C16orf87: variants seen among roughly 807,000 people sequenced by gnomAD.
C16orf87 encodes the protein UPF0547 protein C16orf87.
C16orf87 carries 13 observed loss-of-function variants against 21.0 expected under a neutral mutation model. The ratio of observed to expected loss-of-function variants is 0.62; its 90% CI spans 0.40 to 0.98. The LOEUF (loss-of-function observed/expected upper bound fraction) is 0.98. Ranked by LOEUF, C16orf87 falls within the 50% of genes least tolerant of loss-of-function variation. The pLI is 0.00. For synonymous variants in C16orf87, 49 were observed against 60.2 expected (o/e 0.81, Z 0.86); for missense variants, 113 against 180.4 (o/e 0.63, Z 2.14).
At chr16:46,827,020 G>C (rs1233652169) in intron 1 of C16orf87, among the ~76,000 whole-genome samples, 1 of 152,170 alleles carries the variant, frequency 6.6e-6, no homozygotes, top group Non-Finnish European at 1.5e-5. Flanking sequence ...TAGATGAGAA[G>C]TATACATTTG....
intron 2 of C16orf87, among the ~76,000 whole-genome samples, chr16:46,812,943 C>A (rs1344813305): frequency 6.6e-6 from 1 of 152,266 alleles, no homozygotes; most frequent in Non-Finnish European, 1.5e-5. Flanking sequence ...TTCTCAGGCT[C>A]CCCCAGTTTC....
intron 2 of C16orf87, among the ~76,000 whole-genome samples, chr16:46,815,612 T>C (rs549984549): frequency 2.6e-5 from 4 of 152,184 alleles, no homozygotes; most frequent in African/African-American, 9.6e-5. Context: ...CCAAAGAAGA[T>C]ATATAAATGG....
intron 1 of C16orf87, 122 bp downstream of exon 1, chr16:46,830,962 C>T: frequency 1.7e-6 from 1 of 599,422 alleles, no homozygotes; most frequent in Non-Finnish European, 2.6e-6. Context: ...TCCCCGCCGC[C>T]GCCGGCGGGC....
At chr16:46,825,340 A>T (rs1285394275) in intron 1 of C16orf87, among the ~76,000 whole-genome samples, 1 of 152,226 alleles carries the variant, frequency 6.6e-6, no homozygotes, top group Non-Finnish European at 1.5e-5. Context: ...AGTGGGAAGA[A>T]GTGAAAATAA....
In C16orf87 at chr16:46,800,386, T is replaced by C. The variant is rs143234294; in HGVS notation, c.*2566A>G. On this transcript the variant is annotated 3_prime_UTR_variant, in exon 4 of 4. Coordinates refer to ENST00000285697, the MANE Select transcript of C16orf87 (RefSeq NM_001001436.4). ...TTTAAATACAGCCAAAAAATACCCA[T>C]GAAAATCTAAGAAATGTTCATTTCT... The C allele has an allele frequency of 4.6e-5, 7 of 152,244 alleles. No homozygotes were observed. The East Asian group carries it at 1.3e-3, about 29-fold the overall frequency. The allele number at this position is 152,244 out of a possible 1,614,324, so 9.4% of individuals were successfully genotyped here. A position where few individuals can be genotyped will look rare whatever the true frequency, so the allele number is the denominator to read the frequency against.
At chr16:46,808,791 T>C (rs1351865794) in intron 3 of C16orf87, among the ~76,000 whole-genome samples, 1 of 151,982 alleles carries the variant, frequency 6.6e-6, no homozygotes, top group Admixed American at 6.6e-5. Context: ...AAACAAGCTA[T>C]TGGTAGATAT....
Position 46,802,919 on chromosome 16 carries a change from G to C in C16orf87, c.*33C>G, listed in dbSNP as rs1268848423. The C allele has an allele frequency of 9.8e-7, 1 of 1,017,532 alleles. No homozygotes were observed. The highest frequency in any genetic ancestry group is 1.6e-6 in the Non-Finnish European group (1 of 640,100). 63.0% of individuals were successfully genotyped at this position (1,017,532 alleles called of 1,614,324 possible). On this transcript the variant is annotated 3_prime_UTR_variant, in exon 4 of 4. Coordinates refer to ENST00000285697, the MANE Select transcript of C16orf87 (RefSeq NM_001001436.4). ...TTTGAGAATTTGCTGATGTTATCCT[G>C]ACAGAAGTTTCAGCAGATTTTGCAA... is the stretch of plus-strand genomic sequence containing the variant.
intron 3 of C16orf87, among the ~76,000 whole-genome samples, chr16:46,804,426 G>A (rs933385042): frequency 2.0e-5 from 3 of 152,076 alleles, no homozygotes; most frequent in African/African-American, 4.8e-5. Flanking sequence ...AGGCAGTATT[G>A]GTAGCAAATT....
At chr16:46,823,464 T>C (rs1194368782) in intron 2 of C16orf87, among the ~76,000 whole-genome samples, 2 of 152,192 alleles carry the variant, frequency 1.3e-5, no homozygotes, top group African/African-American at 2.4e-5. Flanking sequence ...TCTTTTAATA[T>C]TAATAAATAT....
Position 46,799,304 on chromosome 16 carries a change from G to A in C16orf87, c.*3648C>T, listed in dbSNP as rs1967707446. On this transcript the variant is annotated 3_prime_UTR_variant, in exon 4 of 4. Coordinates refer to ENST00000285697, the MANE Select transcript of C16orf87 (RefSeq NM_001001436.4). ...TAAAAAAATAGTTCCCTAGAAAATA[G>A]ATCCTGAGAATAAAAATATATAAAC... 1.3e-5 allele frequency: 2 copies of A among 152,060 alleles called. No homozygotes were observed. The highest frequency in any genetic ancestry group is 2.9e-5 in the Non-Finnish European group (2 of 68,002). The allele number at this position is 152,060 out of a possible 1,614,324, so 9.4% of individuals were successfully genotyped here.
chr16:46,820,687 C>T (rs1272102658), intron 2 of C16orf87, among the ~76,000 whole-genome samples: 1 of 152,130 alleles, frequency 6.6e-6, no homozygotes, highest in Non-Finnish European at 1.5e-5. Flanking sequence ...TGTATATAAA[C>T]AATTAGGCTC....
chr16:46,797,659 A>G lies in C16orf87; in HGVS notation c.*5293T>C, dbSNP rs1337971272. ...TGTGCCCAGCCAAGTCTTATGATTT[A>G]TAAGAAAATTATAACATAAAGGGGA... is the stretch of plus-strand genomic sequence containing the variant. On this transcript the variant is annotated 3_prime_UTR_variant, in exon 4 of 4. Transcript: ENST00000285697. The G allele has an allele frequency of 2.0e-5, 3 of 152,196 alleles. No individual in the cohort carries two copies. The highest frequency in any genetic ancestry group is 1.5e-5 in the Non-Finnish European group (1 of 68,036). 9.4% of individuals were successfully genotyped at this position (152,196 alleles called of 1,614,324 possible). A position where few individuals can be genotyped will look rare whatever the true frequency, so the allele number is the denominator to read the frequency against.
chr16:46,809,108 G>A (rs1200471024), intron 3 of C16orf87, among the ~76,000 whole-genome samples: 1 of 151,452 alleles, frequency 6.6e-6, no homozygotes, highest in Admixed American at 6.6e-5. Context: ...GACTAGCCTG[G>A]GCAACATGGT....
chr16:46,816,800 T>C (rs533198642), intron 2 of C16orf87, among the ~76,000 whole-genome samples: 4 of 152,256 alleles, frequency 2.6e-5, no homozygotes, highest in Admixed American at 1.3e-4. Context: ...TAAGTGAAAC[T>C]GGGTAAGGTT....
At chr16:46,829,085 G>A (rs1959743508) in intron 1 of C16orf87, among the ~76,000 whole-genome samples, 1 of 152,150 alleles carries the variant, frequency 6.6e-6, no homozygotes, top group Admixed American at 6.5e-5. Flanking sequence ...TGGGCCATTT[G>A]AGAGAGAATT....
chr16:46,809,876 C>A (rs1361900426), intron 2 of C16orf87, 91 bp from the exon 3 acceptor site: 1 of 755,856 alleles, frequency 1.3e-6, no homozygotes, highest in Non-Finnish European at 2.2e-6. Flanking sequence ...TTCTAAATAG[C>A]ACTAGAGTAT....
Position 46,809,680 on chromosome 16 carries a change from T to C in C16orf87, c.269A>G (p.Asn90Ser), listed in dbSNP as rs767992202. 10 of 1,611,406 alleles carry C rather than the reference T, an allele frequency of 6.2e-6. No homozygotes were observed. In the South Asian group the frequency reaches 9.9e-5, roughly 16 times the overall value. The change falls in exon 3 of 4, where the codon AAC becomes AGC. Residue 90 changes from asparagine to serine, a missense_variant. Physicochemically the swap from Asn to Ser is conservative, Grantham distance 46 (BLOSUM62 1). Coordinates refer to ENST00000285697, the MANE Select transcript of C16orf87 (RefSeq NM_001001436.4). ...TCGTCTGATATGATCTGAATGGCTG[T>C]TACTTCGAGACCTCTTTCTGTTTTC... ...DLENRKRSRS[N>S]SHSDHIRRGR...
At chr16:46,812,128 C>T (rs1289407693) in intron 2 of C16orf87, among the ~76,000 whole-genome samples, 1 of 152,010 alleles carries the variant, frequency 6.6e-6, no homozygotes, top group East Asian at 1.9e-4. Context: ...CCTGTAGTCC[C>T]AACTACTCAG....
Position 46,802,914 on chromosome 16 carries a change from A to T in C16orf87, c.*38T>A, listed in dbSNP as rs1270442056. The T allele has an allele frequency of 1.0e-6, 1 of 968,098 alleles. No individual in the cohort carries two copies. Among genetic ancestry groups the T allele is most frequent in the African/African-American group, 1.6e-5 (1 of 62,376 alleles). The allele number at this position is 968,098 out of a possible 1,614,324, so 60.0% of individuals were successfully genotyped here. ...AACTGTTTGAGAATTTGCTGATGTTATCCTGACAGAAGTTTCAGCAGATTT... is the reference window on the plus strand; with the variant it reads ...AACTGTTTGAGAATTTGCTGATGTTTTCCTGACAGAAGTTTCAGCAGATTT... On this transcript the variant is annotated 3_prime_UTR_variant, in exon 4 of 4. Transcript: ENST00000285697.
Sources: allele counts gnomAD v4.1 joint callset (sites outside exome capture counted in the v4.1 genomes callset), GRCh38; gene constraint gnomAD v4.1.1; transcripts MANE v1.5; gene names NCBI Gene and HGNC (gene_info 2026-07-23, HGNC 2026-07-21).